TENM2: variants seen among roughly 807,000 people sequenced by gnomAD.
TENM2 encodes teneurin transmembrane protein 2.
TENM2 carries 52 observed loss-of-function variants against 245.2 expected under a neutral mutation model. That is an observed-to-expected ratio of 0.21 (90% CI 0.17 to 0.27). The LOEUF (loss-of-function observed/expected upper bound fraction) is 0.27. Ranked by LOEUF, TENM2 falls within the 10% of genes least tolerant of loss-of-function variation. The pLI, the probability that TENM2 is intolerant of heterozygous loss-of-function variation, is 1.00. For missense variants in TENM2, 3,046 were observed against 3,666.8 expected (o/e 0.83, Z 4.37); for synonymous variants, 1,363 against 1,438.9 (o/e 0.95, Z 1.19).
chr5:167,820,796 A>G (rs1027190829), intron 2 of TENM2, among the ~76,000 whole-genome samples: 2 of 152,172 alleles, frequency 1.3e-5, no homozygotes, highest in East Asian at 3.9e-4. Flanking sequence ...GCTTTGCGGG[A>G]CAACTAACCC....
intron 4 of TENM2, chr5:167,965,337 T>C (rs183833319): frequency 7.2e-5 from 11 of 152,320 alleles, no homozygotes; most frequent in Admixed American, 6.5e-4. Context: ...TAAAATAATA[T>C]GTATAACACA....
rs190207537 is a variant in TENM2, at chr5:167,906,794, G to C, written c.712+30599G>C. Among the ~76,000 whole-genome samples the C allele has an allele frequency of 1.3e-4, 20 of 152,102 alleles. No homozygotes were observed. The East Asian group carries it at 2.5e-3, about 19-fold the overall frequency. On this transcript the variant is annotated intron_variant, in intron 3 of 28. Transcript: ENST00000518659. ...TTTAGGCTCTCTGCTAATTGGCTAC[G>C]TTACATCCCTTTGATTAAAAAAGAG...
chr5:167,370,305 G>A (rs1467333205), intron 1 of TENM2, among the ~76,000 whole-genome samples: 1 of 129,142 alleles, frequency 7.7e-6, no homozygotes, highest in Non-Finnish European at 1.6e-5. Flanking sequence ...TAACGCCACT[G>A]CACTCCAGCC....
At chr5:166,996,775 G>C in the TENM2 span, among the ~76,000 whole-genome samples, 1 of 152,188 alleles carries the variant, frequency 6.6e-6, no homozygotes, top group African/African-American at 2.4e-5. Flanking sequence ...GTAGCTATTG[G>C]TTTTACAGAG....
rs183589435 is a variant in TENM2 at position 168,032,367 on chromosome 5, T to C, written c.1187-15060T>C. 1.2e-3 allele frequency among the ~76,000 whole-genome samples: 190 copies of C among 152,292 alleles called. 1 individual carries two copies. The highest frequency in any genetic ancestry group is 2.3e-3 in the Non-Finnish European group (156 of 68,012). ...TATCTGGAGTATAGTAGGGGCTCAA[T>C]AGTTGCTGGTGAATTTATTGAATGA... On this transcript the variant is annotated intron_variant, in intron 5 of 28. Transcript: ENST00000518659.
chr5:167,920,224 G>T (rs983727591), intron 3 of TENM2, among the ~76,000 whole-genome samples: 2 of 151,554 alleles, frequency 1.3e-5, no homozygotes, highest in South Asian at 2.1e-4. Flanking sequence ...AGGCGCGGTG[G>T]CTCACACCTG....
chr5:167,199,149 C>A, the TENM2 span, among the ~76,000 whole-genome samples: 1 of 151,118 alleles, frequency 6.6e-6, no homozygotes, highest in Admixed American at 6.6e-5. Context: ...TTGTATCCCC[C>A]TCTGCCTATA....
At chr5:167,064,678 C>T in the TENM2 span, among the ~76,000 whole-genome samples, 1 of 152,090 alleles carries the variant, frequency 6.6e-6, no homozygotes, top group African/African-American at 2.4e-5. Flanking sequence ...GATTAACCAT[C>T]GAGGTAGTAC....
At chr5:168,153,713 C>A (rs1022247739) in intron 12 of TENM2, among the ~76,000 whole-genome samples, 1 of 152,114 alleles carries the variant, frequency 6.6e-6, no homozygotes, top group African/African-American at 2.4e-5. Flanking sequence ...GTCTGGATCC[C>A]GGGGGCTTGT....
intron 5 of TENM2, among the ~76,000 whole-genome samples, chr5:168,026,232 C>T (rs1786619282): frequency 6.6e-6 from 1 of 152,168 alleles, no homozygotes; most frequent in African/African-American, 2.4e-5. Flanking sequence ...GGGGACCCCT[C>T]TCACAGTGCA....
intron 3 of TENM2, among the ~76,000 whole-genome samples, chr5:167,896,805 C>T (rs1186104967): frequency 6.6e-6 from 1 of 152,148 alleles, no homozygotes; most frequent in Non-Finnish European, 1.5e-5. Flanking sequence ...CTCTTAGTCA[C>T]CTCAAAGAGT....
intron 2 of TENM2, among the ~76,000 whole-genome samples, chr5:167,515,851 A>G (rs938532744): frequency 2.0e-5 from 3 of 151,764 alleles, no homozygotes; most frequent in East Asian, 2.0e-4. Context: ...AGTTTAATCT[A>G]TAAATATTTG....
intron 23 of TENM2, among the ~76,000 whole-genome samples, chr5:168,221,111 C>CA (rs11480110): frequency 0.17 from 21,871 of 129,394 alleles, 1,697 homozygotes; most frequent in East Asian, 0.35. Context: ...CACTCTGTCT[C>CA]AAAAAAAAAA....
intron 2 of TENM2, among the ~76,000 whole-genome samples, chr5:167,608,550 C>CG (rs1368133789): frequency 6.6e-6 from 1 of 152,192 alleles, no homozygotes; most frequent in African/African-American, 2.4e-5. Flanking sequence ...CACATTAAAT[C>CG]GGGGGGCACT....
At chr5:167,582,003 A>G (rs564487223) in intron 2 of TENM2, among the ~76,000 whole-genome samples, 22 of 152,080 alleles carry the variant, frequency 1.4e-4, no homozygotes, top group Non-Finnish European at 3.2e-4. Context: ...CCTCATCAGG[A>G]GGAGAGTTGG....
At chr5:168,203,058 A>G (rs1762062471) in intron 17 of TENM2, among the ~76,000 whole-genome samples, 1 of 152,188 alleles carries the variant, frequency 6.6e-6, no homozygotes. Context: ...CCATTTGTCC[A>G]TGTGGCAAAT....
chr5:167,690,715 T>G (rs1757369625), intron 2 of TENM2, among the ~76,000 whole-genome samples: 1 of 152,170 alleles, frequency 6.6e-6, no homozygotes, highest in Admixed American at 6.6e-5. Flanking sequence ...TATAATATAT[T>G]GCTTGATATT....
chr5:168,064,019 A>T (rs766381370), intron 7 of TENM2, among the ~76,000 whole-genome samples: 4 of 152,106 alleles, frequency 2.6e-5, no homozygotes, highest in African/African-American at 9.7e-5. Flanking sequence ...GACACTGATT[A>T]TCTGGAGATG....
the TENM2 span, among the ~76,000 whole-genome samples, chr5:167,138,842 C>T: frequency 6.6e-6 from 1 of 152,088 alleles, no homozygotes; most frequent in East Asian, 1.9e-4. Flanking sequence ...AGGCTGGTCT[C>T]AAACTCCTGA....
Sources: gnomAD v4.1 joint callset for allele counts (sites outside exome capture counted in the v4.1 genomes callset) on GRCh38, gnomAD v4.1.1 for gene constraint, MANE v1.5 for transcripts, NCBI Gene and HGNC (gene_info 2026-07-23, HGNC 2026-07-21) for gene names.